The following FBN2 variants were observed in gnomAD, a reference collection of about 807,000 sequenced individuals.
FBN2 encodes fibrillin-2.
A neutral mutation model predicts 355.6 loss-of-function variants in FBN2; 105 were observed. The ratio of observed to expected loss-of-function variants is 0.30; its 90% CI spans 0.25 to 0.35. The LOEUF is 0.35. FBN2 is among the 10% of genes least tolerant of loss of function. FBN2 has a pLI of 1.00. For synonymous variants in FBN2, 1,350 were observed against 1,301.2 expected, an observed-to-expected ratio of 1.04 and a Z score of -0.81; for missense variants, 3,280 against 3,758.7, an observed-to-expected ratio of 0.87 and a Z score of 3.33.
At chr5:128,341,440 C>A (rs1251397219) in intron 25 of FBN2, among the ~76,000 whole-genome samples, 1 of 152,150 alleles carries the variant, frequency 6.6e-6, no homozygotes, top group Non-Finnish European at 1.5e-5. Flanking sequence ...ACATGTCACC[C>A]AGGTCCCTCT....
chr5:128,307,247 T>C (rs748547288), intron 41 of FBN2, 44 bp from the exon 42 acceptor site: 4 of 1,097,476 alleles, frequency 3.6e-6, no homozygotes, highest in Non-Finnish European at 5.6e-6. Context: ...ATTTCTCAAA[T>C]TCCTTCAAAA....
chr5:128,300,399 T>C (rs967121572), intron 48 of FBN2, among the ~76,000 whole-genome samples: 1 of 152,208 alleles, frequency 6.6e-6, no homozygotes, highest in African/African-American at 2.4e-5. Context: ...ACATGAGGCC[T>C]TCCCAAGAAA....
chr5:128,395,197 T>C lies in FBN2; in HGVS notation c.1156A>G (p.Met386Val). 1 of 1,614,082 alleles carries C rather than the reference T, an allele frequency of 6.2e-7. No individual in the cohort carries two copies. The highest frequency in any genetic ancestry group is 8.5e-7 in the Non-Finnish European group (1 of 1,180,008). ...AQELPGRMTK[M>V]QCCCEPGRCW... ...CGGCCAGGCTCACAGCAGCACTGCA[T>C]TTTCGTCATTCTCCCCGGGAGCTCT... The change falls in exon 9 of 65, where the codon ATG becomes GTG. Residue 386 changes from methionine to valine, a missense_variant. Around this residue, in one of 6 missense-constraint regions of FBN2, gnomAD observed 343 missense variants for 331.0 expected, o/e 1.04. Coordinates refer to ENST00000262464, the MANE Select transcript of FBN2 (RefSeq NM_001999.4).
rs754066538 is a variant in FBN2 at position 128,301,438 on chromosome 5, A to G, written c.5990T>C (p.Phe1997Ser). ...NGRCFNEIGS[F>S]KCLCNEGYEL... The stretch of plus-strand genomic sequence containing the variant: ...ATAACCTTCGTTACATAGACACTTG[A>G]AAGAACCAATTTCATTAAAACAACG... The change falls in exon 47 of 65, where the codon TTC becomes TCC. Residue 1997 changes from phenylalanine (F) to serine (S), a missense_variant. By Grantham distance (155) the Phe-to-Ser change is radical. Transcript: ENST00000262464. 1 of 1,613,532 alleles carries G rather than the reference A, an allele frequency of 6.2e-7. No individual in the cohort carries two copies. Among genetic ancestry groups the G allele is most frequent in the Non-Finnish European group, 8.5e-7 (1 of 1,179,606 alleles).
At chr5:128,464,602 G>T in intron 6 of FBN2, 122 bp downstream of exon 6, 2 of 1,051,532 alleles carry the variant, frequency 1.9e-6, no homozygotes, top group Non-Finnish European at 1.5e-6. Flanking sequence ...GGTTGTTAAC[G>T]AGGCCACTCT....
At chr5:128,364,826 C>T (rs1460150539) in intron 17 of FBN2, 101 bp from the exon 18 acceptor site, 3 of 983,244 alleles carry the variant, frequency 3.1e-6, no homozygotes, top group African/African-American at 3.2e-5. Context: ...AAGTGTTTAA[C>T]TCTGCAAACT....
intron 5 of FBN2, among the ~76,000 whole-genome samples, chr5:128,516,778 T>G (rs1369778989): frequency 1.3e-5 from 2 of 152,194 alleles, no homozygotes; most frequent in Non-Finnish European, 2.9e-5. Context: ...AACCTCAACA[T>G]AAGTGAGTTA....
intron 56 of FBN2, among the ~76,000 whole-genome samples, 171 bp from the exon 57 acceptor site, chr5:128,279,012 C>G (rs1418127970): frequency 6.6e-6 from 1 of 152,140 alleles, no homozygotes; most frequent in African/African-American, 2.4e-5. Flanking sequence ...TATTCTTTCA[C>G]TACAGACTAC....
At chr5:128,315,284 T>C (rs139936397) in intron 36 of FBN2, among the ~76,000 whole-genome samples, 132 of 152,334 alleles carry the variant, frequency 8.7e-4, no homozygotes, top group African/African-American at 3.1e-3. Context: ...TTTTAATCTA[T>C]ATTTTCTTGG....
chr5:128,376,580 A>G, intron 14 of FBN2, 151 bp downstream of exon 14: 2 of 875,008 alleles, frequency 2.3e-6, no homozygotes, highest in East Asian at 2.5e-5. Context: ...GTTTTTCTAG[A>G]AAGCTTTAGA....
chr5:128,393,388 G>A lies in FBN2; in HGVS notation c.1232-20C>T, dbSNP rs760304958. On this transcript the variant is annotated intron_variant, in intron 9 of 64. Coordinates refer to ENST00000262464, the MANE Select transcript of FBN2 (RefSeq NM_001999.4). ...ATTCCTCTAGAAGAAAAGAAAGTTG[G>A]CATTAAGCACAGGTGAATGTCTTTC... 9 of 1,602,754 alleles carry A rather than the reference G, an allele frequency of 5.6e-6. No homozygotes were observed. The African/African-American group carries it at 9.4e-5, about 17-fold the overall frequency.
intron 33 of FBN2, among the ~76,000 whole-genome samples, chr5:128,329,341 C>A (rs1750632998): frequency 6.6e-6 from 1 of 152,054 alleles, no homozygotes; most frequent in Non-Finnish European, 1.5e-5. Context: ...ATTACACAAA[C>A]AGACATTACT....
chr5:128,426,455 T>G (rs770056417), intron 7 of FBN2, among the ~76,000 whole-genome samples: 6 of 152,126 alleles, frequency 3.9e-5, no homozygotes, highest in Non-Finnish European at 5.9e-5. Context: ...TGAGAGAATA[T>G]ATGGTAAATG....
At chr5:128,460,126 A>C (rs1465194186) in intron 6 of FBN2, among the ~76,000 whole-genome samples, 1 of 152,234 alleles carries the variant, frequency 6.6e-6, no homozygotes, top group Non-Finnish European at 1.5e-5. Context: ...TCAGGATACA[A>C]AATCGGTGTG....
chr5:128,536,878 T>A (rs1162665157), intron 1 of FBN2, among the ~76,000 whole-genome samples: 2 of 151,974 alleles, frequency 1.3e-5, no homozygotes, highest in African/African-American at 4.8e-5. Flanking sequence ...CCCCGACGTG[T>A]CAAGGAAAGC....
Position 128,309,545 on chromosome 5 carries a change from C to T in FBN2, c.5201-146G>A, listed in dbSNP as rs369482831. On this transcript the variant is annotated intron_variant, in intron 40 of 64. Transcript: ENST00000262464. ...ATTTGAAGCTATCTTAAAATAACTC[C>T]TTAAACATAAATCATTTTTAGATTA... 41 of 665,606 alleles carry T rather than the reference C, an allele frequency of 6.2e-5. 1 individual carries two copies. Among genetic ancestry groups the T allele is most frequent in the South Asian group, 3.3e-4 (19 of 56,828 alleles). The allele number at this position is 665,606 out of a possible 1,614,324, so 41.2% of individuals were successfully genotyped here.
intron 5 of FBN2, among the ~76,000 whole-genome samples, chr5:128,501,973 T>C (rs1421740843): frequency 6.6e-6 from 1 of 152,138 alleles, no homozygotes; most frequent in Non-Finnish European, 1.5e-5. Context: ...AAGACTATCA[T>C]TCCAAATCAA....
At chr5:128,341,028 G>A (rs1267536971) in intron 25 of FBN2, among the ~76,000 whole-genome samples, 4 of 152,136 alleles carry the variant, frequency 2.6e-5, no homozygotes, top group Non-Finnish European at 5.9e-5. Context: ...GGACTGGAGA[G>A]GCTGACAATG....
At chr5:128,492,654 T>C (rs1755540258) in intron 5 of FBN2, among the ~76,000 whole-genome samples, 1 of 151,644 alleles carries the variant, frequency 6.6e-6, no homozygotes, top group South Asian at 2.1e-4. Context: ...AATACAAAAA[T>C]TAGCTGGGTG....
Sources: gnomAD v4.1 joint callset for allele counts (sites outside exome capture counted in the v4.1 genomes callset) on GRCh38, gnomAD v4.1.1 for gene constraint, gnomAD v4.1.1 regional missense constraint, MANE v1.5 for transcripts, NCBI Gene and HGNC (gene_info 2026-07-23, HGNC 2026-07-21) for gene names.